Variants in CEP170 observed in about 807,000 individuals in gnomAD.
The protein encoded by CEP170 is centrosomal protein of 170 kDa.
In CEP170, 21 loss-of-function variants were observed where a neutral mutation model predicts 151.9. That is an observed-to-expected ratio of 0.14 (90% CI 0.10 to 0.20). CEP170 has a LOEUF of 0.20. Among genes scored for constraint, CEP170 ranks in the 10% least tolerant of loss-of-function variants. The probability of loss-of-function intolerance (pLI) is 1.00; values close to 1 mark genes in which losing one functional copy is unlikely to be tolerated. For missense variants in CEP170, 964 were observed against 1,892.9 expected, an observed-to-expected ratio of 0.51 and a Z score of 9.11; for synonymous variants, 356 against 648.8, an observed-to-expected ratio of 0.55 and a Z score of 6.86.
intron 1 of CEP170, among the ~76,000 whole-genome samples, chr1:243,231,084 A>G (rs929886652): frequency 1.7e-5 from 2 of 117,406 alleles, no homozygotes; most frequent in Non-Finnish European, 3.8e-5. Context: ...GTGGGATAGC[A>G]GTGGGAAAGG....
chr1:243,226,137 GTATA>G (rs145769714), intron 1 of CEP170, among the ~76,000 whole-genome samples: 1 of 127,600 alleles, frequency 7.8e-6, no homozygotes, highest in Non-Finnish European at 1.6e-5. Context: ...GTATATATGT[GTATA>G]TATATGTACA....
intron 12 of CEP170, among the ~76,000 whole-genome samples, chr1:243,166,939 A>G (rs1208684403): frequency 6.6e-6 from 1 of 152,110 alleles, no homozygotes; most frequent in African/African-American, 2.4e-5. Flanking sequence ...ATTGTTATTA[A>G]CTATAGTCAT....
chr1:243,146,901 C>A (rs1468345608), intron 14 of CEP170, among the ~76,000 whole-genome samples: 1 of 151,990 alleles, frequency 6.6e-6, no homozygotes, highest in African/African-American at 2.4e-5. Flanking sequence ...GTTCCCTAAC[C>A]AGTGAAGACC....
intron 1 of CEP170, among the ~76,000 whole-genome samples, chr1:243,249,598 T>C (rs1290087768): frequency 6.6e-6 from 1 of 152,166 alleles, no homozygotes; most frequent in Non-Finnish European, 1.5e-5. Flanking sequence ...ACTACCTGAA[T>C]GAACACTTGA....
intron 4 of CEP170, 25 bp downstream of exon 4, chr1:243,211,861 A>C (rs2061838243): frequency 8.1e-6 from 13 of 1,595,892 alleles, no homozygotes; most frequent in Non-Finnish European, 1.1e-5. Context: ...AAATTTAATA[A>C]GTACATAAAA....
At chr1:243,244,921 G>A (rs941317643) in intron 1 of CEP170, among the ~76,000 whole-genome samples, 1 of 151,974 alleles carries the variant, frequency 6.6e-6, no homozygotes, top group African/African-American at 2.4e-5. Flanking sequence ...CATGTAGTGA[G>A]ATTATTTCAT....
rs551123706 is a variant in CEP170, at chr1:243,204,203, A to T, written c.275-3368T>A. Among the ~76,000 whole-genome samples, 17 of 152,292 alleles carry T rather than the reference A, an allele frequency of 1.1e-4. No individual in the cohort carries two copies. In the East Asian group the frequency reaches 3.1e-3, roughly 28 times the overall value. On this transcript the variant is annotated intron_variant, in intron 4 of 19. Coordinates refer to ENST00000366542, the MANE Select transcript of CEP170 (RefSeq NM_014812.3). Reference sequence around the variant, plus strand: ...ATATCAACCACATAGATAAGGAAAAATCTTAACTTCTCTGAATGAAAGTTC... The same window carrying T: ...ATATCAACCACATAGATAAGGAAAATTCTTAACTTCTCTGAATGAAAGTTC...
intron 10 of CEP170, among the ~76,000 whole-genome samples, chr1:243,177,110 T>C (rs1572055934): frequency 1.3e-5 from 2 of 152,308 alleles, no homozygotes; most frequent in East Asian, 3.9e-4. Flanking sequence ...CAGATAAATA[T>C]CCTACCTATT....
intron 1 of CEP170, among the ~76,000 whole-genome samples, chr1:243,239,743 T>C (rs530289266): frequency 1.4e-4 from 21 of 152,342 alleles, no homozygotes; most frequent in Middle Eastern, 6.8e-3. Flanking sequence ...TATCTTGCCC[T>C]TCACATATAC....
At chr1:243,212,808 G>A (rs981342774) in intron 3 of CEP170, among the ~76,000 whole-genome samples, 17 of 151,996 alleles carry the variant, frequency 1.1e-4, no homozygotes, top group African/African-American at 3.9e-4. Context: ...GACTACAGGT[G>A]CATGCTACCA....
At chr1:243,251,356 C>T (rs2065918087) in intron 1 of CEP170, among the ~76,000 whole-genome samples, 2 of 152,042 alleles carry the variant, frequency 1.3e-5, no homozygotes, top group South Asian at 4.1e-4. Flanking sequence ...CTTTAACTTA[C>T]TAAAAAAGAT....
chr1:243,141,024 G>A (rs1416442448), intron 15 of CEP170, among the ~76,000 whole-genome samples: 1 of 152,146 alleles, frequency 6.6e-6, no homozygotes, highest in African/African-American at 2.4e-5. Context: ...ACAGATTGAT[G>A]AAGTATCATT....
At chr1:243,220,464 C>T (rs548849767) in intron 3 of CEP170, among the ~76,000 whole-genome samples, 1 of 151,650 alleles carries the variant, frequency 6.6e-6, no homozygotes, top group South Asian at 2.1e-4. Context: ...TGAATAAAAC[C>T]AACAGGAAAA....
At position 243,249,341 on chromosome 1, in the gene CEP170, C is replaced by T. The variant is rs142263593; in HGVS notation, c.-42+5699G>A. On this transcript the variant is annotated intron_variant, in intron 1 of 19. Transcript: ENST00000366542. The stretch of plus-strand genomic sequence containing the variant: ...GCTGAGGTGGGAGTATTGCTTAAGC[C>T]CAGCGGGTCAAGGCTGCAATGAGCT... Among the ~76,000 whole-genome samples, 550 of 151,908 alleles carry T rather than the reference C, an allele frequency of 3.6e-3. 1 individual carries two copies. The highest frequency in any genetic ancestry group is 0.013 in the African/African-American group (522 of 41,384).
intron 14 of CEP170, among the ~76,000 whole-genome samples, chr1:243,146,377 C>A (rs2056487591): frequency 6.6e-6 from 1 of 152,154 alleles, no homozygotes; most frequent in Admixed American, 6.5e-5. Context: ...CTTCCCAATT[C>A]CTTCTAATGG....
In CEP170 at chr1:243,142,728, A is replaced by T. The variant is rs142634416; in HGVS notation, c.3912-265T>A. 3.4e-3 allele frequency among the ~76,000 whole-genome samples: 516 copies of T among 152,316 alleles called. 5 individuals carry two copies. Among genetic ancestry groups the T allele is most frequent in the African/African-American group, 0.012 (491 of 41,558 alleles). ...GAGTAGAGCTATGCCCTTAACACACACTGTGTTAATGACTAGCATTAATAC... is the reference window on the plus strand; with the variant it reads ...GAGTAGAGCTATGCCCTTAACACACTCTGTGTTAATGACTAGCATTAATAC... On this transcript the variant is annotated intron_variant, in intron 14 of 19. Coordinates refer to ENST00000366542, the MANE Select transcript of CEP170 (RefSeq NM_014812.3).
intron 1 of CEP170, among the ~76,000 whole-genome samples, chr1:243,235,218 G>GA (rs1327400109): frequency 6.6e-6 from 1 of 152,138 alleles, no homozygotes; most frequent in Non-Finnish European, 1.5e-5. Flanking sequence ...AAAGAAACAT[G>GA]AAAAAACAAA....
intron 1 of CEP170, among the ~76,000 whole-genome samples, chr1:243,230,599 A>C (rs1241755153): frequency 6.6e-6 from 1 of 152,200 alleles, no homozygotes; most frequent in African/African-American, 2.4e-5. Context: ...TAAAAAGCAG[A>C]CTAACTGAAG....
At chr1:243,229,426 G>A (rs6679606) in intron 1 of CEP170, among the ~76,000 whole-genome samples, 144,967 of 151,812 alleles carry the variant, frequency 0.95, 69,603 homozygotes, top group East Asian at 1. Flanking sequence ...TGTAAGGAGG[G>A]AAAAAAAAGG....
Sources: allele counts gnomAD v4.1 joint callset (sites outside exome capture counted in the v4.1 genomes callset), GRCh38; gene constraint gnomAD v4.1.1; transcripts MANE v1.5; gene names NCBI Gene and HGNC (gene_info 2026-07-23, HGNC 2026-07-21).